The following ADAMTS19 variants were observed in gnomAD, a reference collection of about 807,000 sequenced individuals.
ADAMTS19 encodes A disintegrin and metalloproteinase with thrombospondin motifs 19.
In ADAMTS19, 93 loss-of-function variants were observed where a neutral mutation model predicts 153.3. That is an observed-to-expected ratio of 0.61 (90% CI 0.51 to 0.72). The LOEUF (loss-of-function observed/expected upper bound fraction) is 0.72. ADAMTS19 is among the 30% of genes least tolerant of loss of function. The pLI is 0.00. For missense variants in ADAMTS19, 1,482 were observed against 1,552.1 expected (o/e 0.95, Z 0.76); for synonymous variants, 600 against 556.6 (o/e 1.08, Z -1.10).
At chr5:129,560,143 C>T (rs1019184126) in intron 7 of ADAMTS19, among the ~76,000 whole-genome samples, 3 of 152,144 alleles carry the variant, frequency 2.0e-5, no homozygotes, top group African/African-American at 7.2e-5. Context: ...TTTTTCAGCA[C>T]ATTTTGAAGA....
chr5:129,611,208 A>G (rs1188473921), intron 8 of ADAMTS19, among the ~76,000 whole-genome samples: 1 of 152,120 alleles, frequency 6.6e-6, no homozygotes, highest in South Asian at 2.1e-4. Flanking sequence ...AGATGAGTAG[A>G]TTGCAAAAAT....
chr5:129,723,478 G>A (rs866249012), intron 21 of ADAMTS19, among the ~76,000 whole-genome samples: 2 of 152,066 alleles, frequency 1.3e-5, no homozygotes, highest in African/African-American at 4.8e-5. Context: ...TGATTTGCTA[G>A]CATTTCTATT....
chr5:129,723,134 A>G (rs934893608), intron 21 of ADAMTS19, among the ~76,000 whole-genome samples: 3 of 152,206 alleles, frequency 2.0e-5, no homozygotes, highest in African/African-American at 7.2e-5. Context: ...ATAATTTTAT[A>G]AGAGATCATG....
intron 7 of ADAMTS19, among the ~76,000 whole-genome samples, chr5:129,578,409 C>T (rs1030968983): frequency 5.5e-5 from 8 of 145,460 alleles, no homozygotes; most frequent in African/African-American, 7.6e-5. Context: ...TGTATATGTA[C>T]GTATACGTAC....
chr5:129,595,028 A>G (rs561348613), intron 7 of ADAMTS19, among the ~76,000 whole-genome samples: 1 of 152,010 alleles, frequency 6.6e-6, no homozygotes, highest in East Asian at 1.9e-4. Context: ...GTAAAGATAT[A>G]AAAAAAACTA....
intron 6 of ADAMTS19, among the ~76,000 whole-genome samples, chr5:129,543,034 G>T (rs1369381841): frequency 2.1e-5 from 3 of 143,824 alleles, no homozygotes; most frequent in African/African-American, 7.7e-5. Flanking sequence ...TTTTTTTGTT[G>T]TTGTTGTTGT....
At chr5:129,543,501 T>C (rs1752737448) in intron 6 of ADAMTS19, among the ~76,000 whole-genome samples, 1 of 152,198 alleles carries the variant, frequency 6.6e-6, no homozygotes, top group Non-Finnish European at 1.5e-5. Flanking sequence ...CAGTGTAACA[T>C]TACATTATGT....
At chr5:129,533,040 T>G (rs1024171930) in intron 6 of ADAMTS19, among the ~76,000 whole-genome samples, 1 of 151,330 alleles carries the variant, frequency 6.6e-6, no homozygotes, top group Non-Finnish European at 1.5e-5. Flanking sequence ...CAGGCGGAGG[T>G]TGCAGTGAGT....
At chr5:129,533,553 T>C (rs1343208043) in intron 6 of ADAMTS19, among the ~76,000 whole-genome samples, 2 of 152,170 alleles carry the variant, frequency 1.3e-5, no homozygotes, top group Admixed American at 6.5e-5. Context: ...AGCTCCTGGA[T>C]TCATTGATTT....
At chr5:129,591,424 C>G (rs1750128307) in intron 7 of ADAMTS19, among the ~76,000 whole-genome samples, 3 of 152,032 alleles carry the variant, frequency 2.0e-5, no homozygotes, top group South Asian at 2.1e-4. Flanking sequence ...TCCCGAGTAG[C>G]TGGAACTACA....
At chr5:129,585,484 T>TTA (rs1276414191) in intron 7 of ADAMTS19, among the ~76,000 whole-genome samples, 2 of 152,184 alleles carry the variant, frequency 1.3e-5, no homozygotes, top group African/African-American at 4.8e-5. Context: ...CTAATGTCAA[T>TTA]TATACTTTTT....
intron 6 of ADAMTS19, among the ~76,000 whole-genome samples, chr5:129,546,402 AAAGAG>A (rs1752862687): frequency 6.6e-6 from 1 of 151,002 alleles, no homozygotes; most frequent in South Asian, 2.1e-4. Context: ...AAATTAAAAA[AAAGAG>A]AAGATAAATA....
chr5:129,526,049 T>G (rs1300394049), intron 3 of ADAMTS19, among the ~76,000 whole-genome samples: 2 of 152,012 alleles, frequency 1.3e-5, no homozygotes, highest in African/African-American at 4.8e-5. Context: ...ATTATCCACT[T>G]TGCAGATAAG....
At position 129,649,111 on chromosome 5, in the gene ADAMTS19, A is replaced by G. The variant is rs1406876328; in HGVS notation, c.2176+141A>G. The G allele has an allele frequency of 6.4e-6, 5 of 778,068 alleles. No homozygotes were observed. In the South Asian group the frequency reaches 9.8e-5, roughly 15 times the overall value. The allele number at this position is 778,068 out of a possible 1,614,324, so 48.2% of individuals were successfully genotyped here. ...TTTTTTCTACCTGTATGGACATATAATAACCACAAGCACTGACAAAAATAT... is the reference window on the plus strand; with the variant it reads ...TTTTTTCTACCTGTATGGACATATAGTAACCACAAGCACTGACAAAAATAT... On this transcript the variant is annotated intron_variant, in intron 13 of 22. Transcript: ENST00000274487.
intron 2 of ADAMTS19, among the ~76,000 whole-genome samples, chr5:129,470,757 C>T (rs1490104872): frequency 6.6e-6 from 1 of 152,188 alleles, no homozygotes; most frequent in Non-Finnish European, 1.5e-5. Flanking sequence ...ACTCTTTAGA[C>T]TCTAACTCAG....
chr5:129,669,099 T>G (rs2127091009), intron 16 of ADAMTS19, among the ~76,000 whole-genome samples: 1 of 152,030 alleles, frequency 6.6e-6, no homozygotes, highest in Non-Finnish European at 1.5e-5. Flanking sequence ...TATATATATA[T>G]ATATTCAAAT....
intron 7 of ADAMTS19, among the ~76,000 whole-genome samples, chr5:129,557,092 T>C (rs1429138356): frequency 1.3e-5 from 2 of 152,154 alleles, no homozygotes; most frequent in African/African-American, 4.8e-5. Flanking sequence ...ATTCTGTTTC[T>C]GTGGTTAGTT....
chr5:129,536,124 C>A (rs1371999466), intron 6 of ADAMTS19, among the ~76,000 whole-genome samples: 1 of 152,080 alleles, frequency 6.6e-6, no homozygotes, highest in Non-Finnish European at 1.5e-5. Flanking sequence ...AATGAACAGG[C>A]AACCTACACA....
intron 3 of ADAMTS19, among the ~76,000 whole-genome samples, chr5:129,521,622 C>T (rs935135125): frequency 6.6e-6 from 1 of 152,124 alleles, no homozygotes; most frequent in Non-Finnish European, 1.5e-5. Flanking sequence ...TTCCAATGTC[C>T]ACCTAAGCTC....
Sources: allele counts gnomAD v4.1 joint callset (sites outside exome capture counted in the v4.1 genomes callset), GRCh38; gene constraint gnomAD v4.1.1; transcripts MANE v1.5; gene names NCBI Gene and HGNC (gene_info 2026-07-23, HGNC 2026-07-21).